SLC12A1: variants seen among roughly 807,000 people sequenced by gnomAD.
SLC12A1 encodes Na-K-2Cl cotransporter.
SLC12A1 carries 89 observed loss-of-function variants against 130.4 expected under a neutral mutation model. The ratio of observed to expected loss-of-function variants is 0.68; its 90% CI spans 0.58 to 0.81. The LOEUF (loss-of-function observed/expected upper bound fraction) is 0.81, where lower values mean the gene tolerates loss of function less well. SLC12A1 is among the 40% of genes least tolerant of loss of function. The pLI, the probability that SLC12A1 is intolerant of heterozygous loss-of-function variation, is 0.00. For missense variants in SLC12A1, 1,310 were observed against 1,336.4 expected, an observed-to-expected ratio of 0.98 and a Z score of 0.31; for synonymous variants, 499 against 460.0, an observed-to-expected ratio of 1.08 and a Z score of -1.09.
At chr15:48,226,401 A>G in intron 4 of SLC12A1, 75 bp from the exon 5 acceptor site, 1 of 875,846 alleles carries the variant, frequency 1.1e-6, no homozygotes, top group Non-Finnish European at 1.8e-6. Flanking sequence ...AGTTAAAGGC[A>G]GTGTAGTTTG....
chr15:48,266,000 T>C (rs917605205), intron 17 of SLC12A1, among the ~76,000 whole-genome samples: 8 of 152,224 alleles, frequency 5.3e-5, no homozygotes, highest in Non-Finnish European at 1.0e-4. Flanking sequence ...TTCTTTTTTG[T>C]AGTAGGACTT....
Position 48,284,349 on chromosome 15 carries a change from A to AAGCATTGT in SLC12A1, c.2486-756_2486-749dup, listed in dbSNP as rs1320296086. On this transcript the variant is annotated intron_variant, in intron 20 of 26. Coordinates refer to ENST00000380993, the MANE Select transcript of SLC12A1 (RefSeq NM_000338.3). Reference sequence around the variant, plus strand: ...GTCTAGTTTTATGTTTCAATTCATGAAGCATTGTTGTGTGGCTGATATATA... The same window carrying AAGCATTGT: ...GTCTAGTTTTATGTTTCAATTCATGAAGCATTGTAGCATTGTTGTGTGGCTGATATATA... 3.3e-5 allele frequency among the ~76,000 whole-genome samples: 5 copies of AAGCATTGT among 152,318 alleles called. No individual in the cohort carries two copies. The East Asian group carries it at 9.6e-4, about 29-fold the overall frequency.
intron 4 of SLC12A1, chr15:48,224,417 G>T (rs1431888331): frequency 1.3e-5 from 2 of 152,194 alleles, no homozygotes; most frequent in Non-Finnish European, 2.9e-5. Flanking sequence ...ACCACTCAGT[G>T]ATGAGTGACT....
At chr15:48,225,117 T>C (rs982037101) in intron 4 of SLC12A1, 2 of 152,318 alleles carry the variant, frequency 1.3e-5, no homozygotes, top group South Asian at 4.1e-4. Context: ...TGCTAGCCAT[T>C]TTACACATGC....
chr15:48,239,948 G>A (rs1217195374), intron 9 of SLC12A1, among the ~76,000 whole-genome samples: 1 of 149,698 alleles, frequency 6.7e-6, no homozygotes, highest in Non-Finnish European at 1.5e-5. Flanking sequence ...ACTGCACCTG[G>A]CCAAAAACTA....
chr15:48,260,131 G>T (rs1265346868), intron 17 of SLC12A1, among the ~76,000 whole-genome samples: 1 of 151,934 alleles, frequency 6.6e-6, no homozygotes, highest in Non-Finnish European at 1.5e-5. Context: ...CAGGCATGGT[G>T]ATGCATGCCT....
At chr15:48,270,237 T>C (rs1195484449) in intron 19 of SLC12A1, among the ~76,000 whole-genome samples, 1 of 152,190 alleles carries the variant, frequency 6.6e-6, no homozygotes, top group Non-Finnish European at 1.5e-5. Context: ...TGGAGCATCA[T>C]TGGCTTGTGC....
intron 19 of SLC12A1, among the ~76,000 whole-genome samples, chr15:48,272,850 A>G (rs1011897194): frequency 2.0e-5 from 3 of 152,120 alleles, no homozygotes; most frequent in African/African-American, 7.2e-5. Flanking sequence ...GCTCATGCCT[A>G]TAATCCCAGC....
Position 48,247,427 on chromosome 15 carries a change from AC to A in SLC12A1, c.1652del (p.Thr551IlefsTer4). ...TGAACCCCTGAGAGGATATATTCTC[AC>A]TTTTCTTATAGCCATGGCATTTATT... ...NNEPLRGYIL[T>X]FLIAMAFILI... On this transcript the variant is annotated frameshift_variant, in exon 13 of 27. Coordinates refer to ENST00000380993, the MANE Select transcript of SLC12A1 (RefSeq NM_000338.3). LOFTEE classifies it high-confidence loss of function. 1.2e-6 allele frequency: 2 copies of A among 1,610,734 alleles called. No homozygotes were observed. Among genetic ancestry groups the A allele is most frequent in the Non-Finnish European group, 1.7e-6 (2 of 1,177,242 alleles).
At chr15:48,250,899 CCTGTCCATA>C (rs1436562802) in intron 14 of SLC12A1, among the ~76,000 whole-genome samples, 1 of 152,148 alleles carries the variant, frequency 6.6e-6, no homozygotes, top group Non-Finnish European at 1.5e-5. Flanking sequence ...GCTTTTCCCT[CCTGTCCATA>C]CTGTCTTCCA....
chr15:48,246,213 T>C (rs886091345), intron 11 of SLC12A1, among the ~76,000 whole-genome samples: 2 of 152,180 alleles, frequency 1.3e-5, no homozygotes, highest in African/African-American at 4.8e-5. Context: ...AAAGCCTCTG[T>C]GTGCAGGAAG....
Position 48,247,548 on chromosome 15 carries a change from G to C in SLC12A1, c.1684+88G>C. 5.6e-6 allele frequency: 6 copies of C among 1,065,790 alleles called. No homozygotes were observed. In the South Asian group the frequency reaches 1.0e-4, roughly 18 times the overall value. The allele number at this position is 1,065,790 out of a possible 1,614,324, so 66.0% of individuals were successfully genotyped here. ...TTCCTTTTAGTTTGAAAAATTACTC[G>C]TTTTATGTTTAGGATCCCATTTGGG... On this transcript the variant is annotated intron_variant, in intron 13 of 26. Transcript: ENST00000380993.
intron 2 of SLC12A1, 64 bp from the exon 3 acceptor site, chr15:48,220,570 A>G: frequency 2.0e-6 from 3 of 1,477,572 alleles, no homozygotes; most frequent in South Asian, 2.9e-5. Flanking sequence ...TTTGCTTTGA[A>G]AAGTTTCATG....
intron 24 of SLC12A1, among the ~76,000 whole-genome samples, chr15:48,297,990 A>G (rs2042195535): frequency 6.6e-6 from 1 of 152,208 alleles, no homozygotes; most frequent in Non-Finnish European, 1.5e-5. Flanking sequence ...ACCTTTCTAA[A>G]TAAGTTAATG....
intron 1 of SLC12A1, among the ~76,000 whole-genome samples, chr15:48,207,085 T>C (rs1057038575): frequency 2.0e-5 from 3 of 152,162 alleles, no homozygotes; most frequent in South Asian, 2.1e-4. Context: ...CAAGAATATA[T>C]TTTTTAGAAG....
At chr15:48,285,325 C>A in intron 21 of SLC12A1, 76 bp downstream of exon 21, 1 of 1,435,348 alleles carries the variant, frequency 7.0e-7, no homozygotes, top group Non-Finnish European at 9.7e-7. Context: ...AGTCCGAAGT[C>A]AGCATCTAAG....
chr15:48,217,374 G>T (rs2041136663), intron 2 of SLC12A1, among the ~76,000 whole-genome samples: 1 of 152,094 alleles, frequency 6.6e-6, no homozygotes, highest in South Asian at 2.1e-4. Context: ...TGGTATAGAT[G>T]ACCAGTTTCT....
At chr15:48,226,666 C>T (rs927436338) in intron 5 of SLC12A1, 95 bp downstream of exon 5, 33 of 771,244 alleles carry the variant, frequency 4.3e-5, no homozygotes, top group African/African-American at 2.3e-4. Flanking sequence ...GGAAGTAGCC[C>T]GATGTTCTTG....
chr15:48,212,830 T>G (rs2041069788), intron 2 of SLC12A1, among the ~76,000 whole-genome samples: 1 of 152,066 alleles, frequency 6.6e-6, no homozygotes, highest in Admixed American at 6.6e-5. Context: ...CAAAAAAAAA[T>G]CAATGAAATG....
Sources: gnomAD v4.1 joint callset for allele counts (sites outside exome capture counted in the v4.1 genomes callset) on GRCh38, gnomAD v4.1.1 for gene constraint, MANE v1.5 for transcripts, NCBI Gene and HGNC (gene_info 2026-07-23, HGNC 2026-07-21) for gene names.